CD1B: variants seen among roughly 807,000 people sequenced by gnomAD.
CD1B encodes the protein CD1b molecule, also known as T-cell surface glycoprotein CD1b.
In CD1B, 43 loss-of-function variants were observed where a neutral mutation model predicts 39.8. The observed-to-expected ratio is 1.08, with a 90% CI of 0.85 to 1.39. The LOEUF is 1.39. CD1B is among the 40% of genes most tolerant of loss of function. The probability of loss-of-function intolerance (pLI) is 0.00; values close to 1 mark genes in which losing one functional copy is unlikely to be tolerated. For missense variants in CD1B, 495 were observed against 403.8 expected (o/e 1.23, Z -1.94); for synonymous variants, 192 against 152.5 (o/e 1.26, Z -1.91).
chr1:158,328,832 A>AT lies in CD1B; in HGVS notation c.980+88dup, dbSNP rs2101712059. 3.1e-6 allele frequency: 3 copies of AT among 963,380 alleles called. No individual in the cohort carries two copies. The South Asian group carries it at 5.1e-5, about 16-fold the overall frequency. The allele number at this position is 963,380 out of a possible 1,614,324, so 59.7% of individuals were successfully genotyped here. ...ATGGTGAAAGGATTGAGGATAAACA[A>AT]TTTTTAAATAGATAAAATGGTAAAA... On this transcript the variant is annotated intron_variant, in intron 5 of 5. Transcript: ENST00000368168.
the CD1B span, among the ~76,000 whole-genome samples, chr1:158,289,279 G>C: frequency 6.6e-6 from 1 of 152,196 alleles, no homozygotes; most frequent in Non-Finnish European, 1.5e-5. Flanking sequence ...TATATGCCTA[G>C]TAAGACACTG....
Position 158,331,448 on chromosome 1 carries a change from C to T in CD1B, c.-25G>A, listed in dbSNP as rs201822632. 2.8e-4 allele frequency: 439 copies of T among 1,595,886 alleles called. No homozygotes were observed. The highest frequency in any genetic ancestry group is 3.6e-4 in the Non-Finnish European group (416 of 1,163,952). ...TTTCACTGGGAGATGCAACTTCTTA[C>T]TGGCAGAGCTGGTATTTGATCTCCA... On this transcript the variant is annotated 5_prime_UTR_variant, in exon 1 of 6. Coordinates refer to ENST00000368168, the MANE Select transcript of CD1B (RefSeq NM_001764.3).
chr1:158,295,754 T>C, the CD1B span, among the ~76,000 whole-genome samples: 9 of 151,366 alleles, frequency 5.9e-5, no homozygotes, highest in African/African-American at 2.2e-4. Flanking sequence ...CAGCCTCAGA[T>C]GTTCAACTGA....
chr1:158,320,016 C>T, the CD1B span, among the ~76,000 whole-genome samples: 22 of 152,324 alleles, frequency 1.4e-4, no homozygotes, highest in African/African-American at 2.9e-4. Context: ...GCAGTCTGCC[C>T]GTTCTCAGAT....
chr1:158,285,779 G>A, the CD1B span, among the ~76,000 whole-genome samples: 6 of 152,128 alleles, frequency 3.9e-5, no homozygotes, highest in East Asian at 1.9e-4. Context: ...CTGTTGCAGA[G>A]GGCAGAGGGT....
chr1:158,292,478 G>A, the CD1B span: 1 of 1,487,420 alleles, frequency 6.7e-7, no homozygotes, highest in South Asian at 1.3e-5. Context: ...GGGGTTGCTG[G>A]GTAATAGTTT....
At chr1:158,330,736 G>GC in intron 2 of CD1B, 60 bp downstream of exon 2, 2 of 1,541,972 alleles carry the variant, frequency 1.3e-6, no homozygotes, top group Non-Finnish European at 1.8e-6. Context: ...GCAACACTTT[G>GC]CAAAAAAGAG....
chr1:158,323,470 A>G (rs1319524063), downstream of CD1B, among the ~76,000 whole-genome samples: 1 of 152,158 alleles, frequency 6.6e-6, no homozygotes, highest in Non-Finnish European at 1.5e-5. Flanking sequence ...ATACTTCTGC[A>G]TCACTTTAGG....
chr1:158,310,040 G>A, the CD1B span, among the ~76,000 whole-genome samples: 1 of 151,678 alleles, frequency 6.6e-6, no homozygotes, highest in Non-Finnish European at 1.5e-5. Context: ...AACAAAGCTG[G>A]AAGCACCACA....
chr1:158,287,426 T>C, the CD1B span, among the ~76,000 whole-genome samples: 1 of 152,130 alleles, frequency 6.6e-6, no homozygotes, highest in African/African-American at 2.4e-5. Flanking sequence ...AGACATGAGA[T>C]TGACATTACT....
chr1:158,297,355 G>A, the CD1B span, among the ~76,000 whole-genome samples: 1 of 152,080 alleles, frequency 6.6e-6, no homozygotes, highest in East Asian at 1.9e-4. Context: ...GCCCAAGTAA[G>A]ATTTATATGT....
the CD1B span, among the ~76,000 whole-genome samples, chr1:158,294,216 C>A: frequency 6.6e-6 from 1 of 152,190 alleles, no homozygotes; most frequent in African/African-American, 2.4e-5. Context: ...ATTTGGTCCT[C>A]AGGGTTGGAG....
the CD1B span, chr1:158,292,259 T>C: frequency 6.2e-7 from 1 of 1,614,228 alleles, no homozygotes; most frequent in Non-Finnish European, 8.5e-7. Context: ...TACTCAATCA[T>C]CAGTATGAAG....
chr1:158,309,811 TCA>T, the CD1B span, among the ~76,000 whole-genome samples: 2 of 114,936 alleles, frequency 1.7e-5, no homozygotes, highest in African/African-American at 3.4e-5. Flanking sequence ...AAGGGGAATA[TCA>T]CATACCGGGG....
the CD1B span, among the ~76,000 whole-genome samples, chr1:158,303,050 C>T: frequency 6.6e-6 from 1 of 152,056 alleles, no homozygotes; most frequent in East Asian, 1.9e-4. Context: ...ATTAGCAAAG[C>T]AAATCCAGGA....
At chr1:158,314,883 A>T in the CD1B span, among the ~76,000 whole-genome samples, 65 of 140,264 alleles carry the variant, frequency 4.6e-4, no homozygotes, top group Admixed American at 7.7e-4. Context: ...TTCAATTCCC[A>T]CCTATGAGTG....
the CD1B span, among the ~76,000 whole-genome samples, chr1:158,309,297 C>A: frequency 2.0e-5 from 3 of 151,998 alleles, no homozygotes; most frequent in African/African-American, 2.4e-5. Context: ...ATCTCACAGC[C>A]TTTAGAATGG....
the CD1B span, among the ~76,000 whole-genome samples, chr1:158,320,754 T>C: frequency 6.6e-6 from 1 of 152,120 alleles, no homozygotes; most frequent in Non-Finnish European, 1.5e-5. Flanking sequence ...TTCTTTTTGA[T>C]TTTTTTCACT....
the CD1B span, among the ~76,000 whole-genome samples, chr1:158,302,269 T>A: frequency 1.3e-5 from 2 of 151,714 alleles, no homozygotes; most frequent in South Asian, 2.1e-4. Flanking sequence ...CATGCCAGAG[T>A]CTCTGAGACA....
Sources: gnomAD v4.1 joint callset for allele counts (sites outside exome capture counted in the v4.1 genomes callset) on GRCh38, gnomAD v4.1.1 for gene constraint, MANE v1.5 for transcripts, NCBI Gene and HGNC (gene_info 2026-07-23, HGNC 2026-07-21) for gene names.